Variants in GLRA2 observed in about 807,000 individuals in gnomAD.
The protein encoded by GLRA2 is glycine receptor subunit alpha-2.
Under a neutral mutation model 31.6 loss-of-function variants are expected in GLRA2, and 11 were observed. The observed-to-expected ratio is 0.35, with a 90% CI of 0.22 to 0.58. The LOEUF (loss-of-function observed/expected upper bound fraction) is 0.58, where lower values mean the gene tolerates loss of function less well. Among genes scored for constraint, GLRA2 ranks in the 20% least tolerant of loss-of-function variants. The probability of loss-of-function intolerance (pLI) is 0.84; values close to 1 mark genes in which losing one functional copy is unlikely to be tolerated. For synonymous variants in GLRA2, 132 were observed against 134.0 expected (o/e 0.99, Z 0.10); for missense variants, 212 against 351.8 (o/e 0.60, Z 3.18).
At chrX:14,632,037 CT>C (rs1232063676) in intron 7 of GLRA2, among the ~76,000 whole-genome samples, 1 of 87,322 alleles carries the variant, frequency 1.1e-5, no homozygotes, top group Non-Finnish European at 2.3e-5. Context: ...TCAGATCCAT[CT>C]TTTCAATTCT....
At chrX:14,717,007 T>G (rs1601885340) in intron 8 of GLRA2, among the ~76,000 whole-genome samples, 1 of 111,068 alleles carries the variant, frequency 9.0e-6, no homozygotes, top group Non-Finnish European at 1.9e-5. Context: ...TATTATACTC[T>G]ATTTCGTTAT....
At chrX:14,580,094 G>A (rs919650362) in intron 3 of GLRA2, among the ~76,000 whole-genome samples, 2 of 111,539 alleles carry the variant, frequency 1.8e-5, no homozygotes, top group Admixed American at 9.6e-5. Context: ...CCTAAACTGA[G>A]GAAGTTCCCT....
intron 2 of GLRA2, among the ~76,000 whole-genome samples, chrX:14,544,148 AT>A (rs1375882602): frequency 8.9e-6 from 1 of 112,146 alleles, no homozygotes; most frequent in Non-Finnish European, 1.9e-5. Context: ...AAGTTAGAAT[AT>A]TATTGCAGTC....
intron 2 of GLRA2, among the ~76,000 whole-genome samples, chrX:14,566,363 C>T (rs1472481369): frequency 8.9e-6 from 1 of 111,977 alleles, no homozygotes; most frequent in Non-Finnish European, 1.9e-5. Flanking sequence ...TTCTAGCACA[C>T]ATTTTAAAGA....
At chrX:14,639,119 C>T (rs1261571495) in intron 7 of GLRA2, among the ~76,000 whole-genome samples, 4 of 111,551 alleles carry the variant, frequency 3.6e-5, no homozygotes, top group Admixed American at 9.5e-5. Context: ...TAAGGTCTTA[C>T]ATGATATATT....
intron 2 of GLRA2, among the ~76,000 whole-genome samples, chrX:14,539,488 C>T (rs945027547): frequency 9.0e-6 from 1 of 111,582 alleles, no homozygotes; most frequent in African/African-American, 3.3e-5. Flanking sequence ...GCATAGGCCT[C>T]AAATGGATAT....
chrX:14,560,032 AT>A (rs1407489883), intron 2 of GLRA2, among the ~76,000 whole-genome samples: 2 of 111,575 alleles, frequency 1.8e-5, no homozygotes, highest in African/African-American at 6.5e-5. Context: ...GTGCTTACTC[AT>A]GTTCAGATAT....
the GLRA2 span, among the ~76,000 whole-genome samples, chrX:14,476,167 A>T: frequency 3.6e-5 from 4 of 112,144 alleles, no homozygotes; most frequent in Non-Finnish European, 1.9e-5. Context: ...ACTGCTCTGT[A>T]TATTTCAGTC....
chrX:14,502,252 G>T, the GLRA2 span, among the ~76,000 whole-genome samples: 6 of 111,646 alleles, frequency 5.4e-5, no homozygotes, highest in East Asian at 1.7e-3. Flanking sequence ...TCCATTAAAT[G>T]AAGTATTTGC....
chrX:14,449,882 A>G, the GLRA2 span, among the ~76,000 whole-genome samples: 2 of 111,599 alleles, frequency 1.8e-5, no homozygotes, highest in African/African-American at 6.5e-5. Flanking sequence ...CAGAACACTG[A>G]GAAGAGTGTG....
At chrX:14,684,442 T>C (rs1359454720) in intron 7 of GLRA2, among the ~76,000 whole-genome samples, 1 of 111,853 alleles carries the variant, frequency 8.9e-6, no homozygotes, top group Non-Finnish European at 1.9e-5. Flanking sequence ...ATTCTTCCTA[T>C]CCATGAGCAT....
At chrX:14,541,285 G>C (rs1019597856) in intron 2 of GLRA2, among the ~76,000 whole-genome samples, 1 of 111,228 alleles carries the variant, frequency 9.0e-6, no homozygotes, top group African/African-American at 3.3e-5. Context: ...GGTTAAAAAG[G>C]CATGAAGACC....
chrX:14,476,140 A>T, the GLRA2 span, among the ~76,000 whole-genome samples: 57 of 111,791 alleles, frequency 5.1e-4, no homozygotes, highest in Non-Finnish European at 7.5e-4. Flanking sequence ...TTCTCCAAGG[A>T]CCACGCTTAC....
intron 7 of GLRA2, 71 bp downstream of exon 7, chrX:14,609,276 G>A: frequency 1.2e-5 from 8 of 680,524 alleles, no homozygotes; most frequent in Non-Finnish European, 1.8e-5. Flanking sequence ...AGAGTTCTGT[G>A]AGGACAGAAA....
At chrX:14,524,742 TTGTGTGTGTGTGTG>T (rs113079569), upstream of GLRA2, among the ~76,000 whole-genome samples, 1 of 105,208 alleles carries the variant, frequency 9.5e-6, no homozygotes. Flanking sequence ...TTCAACATAT[TTGTGTGTGTGTGTG>T]TGTGTGTGTG....
rs7064924 is a variant in GLRA2 at position 14,648,239 on chromosome X, C to T, written c.930+39034C>T. Among the ~76,000 whole-genome samples, 366 of 111,996 alleles carry T rather than the reference C, an allele frequency of 3.3e-3. 1 individual carries two copies. The highest frequency in any genetic ancestry group is 0.011 in the African/African-American group (352 of 30,908). On this transcript the variant is annotated intron_variant, in intron 7 of 8. Coordinates refer to ENST00000218075, the MANE Select transcript of GLRA2 (RefSeq NM_002063.4). ...ACTTATCACTATGCATTGAAGCTTA[C>T]AGTCTAGTGGGGAAAATGAACATTT...
chrX:14,505,591 G>T, the GLRA2 span, among the ~76,000 whole-genome samples: 1 of 111,771 alleles, frequency 8.9e-6, no homozygotes, highest in Non-Finnish European at 1.9e-5. Flanking sequence ...ATCTGGCCAT[G>T]GGTTAGACAT....
At chrX:14,494,282 A>G in the GLRA2 span, among the ~76,000 whole-genome samples, 1 of 111,677 alleles carries the variant, frequency 9.0e-6, no homozygotes, top group Non-Finnish European at 1.9e-5. Flanking sequence ...AAAATTTATA[A>G]AGCTGTAATC....
intron 6 of GLRA2, 115 bp from the exon 7 acceptor site, chrX:14,608,876 T>C (rs1477355277): frequency 3.1e-5 from 14 of 458,476 alleles, no homozygotes; most frequent in African/African-American, 7.5e-5. Context: ...TTTTGTGCAA[T>C]CTTCCAAATC....
Sources: gnomAD v4.1 joint callset for allele counts (sites outside exome capture counted in the v4.1 genomes callset) on GRCh38, gnomAD v4.1.1 for gene constraint, MANE v1.5 for transcripts, NCBI Gene and HGNC (gene_info 2026-07-23, HGNC 2026-07-21) for gene names.